The following LIPK variants were observed in gnomAD, a reference collection of about 807,000 sequenced individuals.
LIPK encodes the protein lipase member K.
A neutral mutation model predicts 48.6 loss-of-function variants in LIPK; 32 were observed. The ratio of observed to expected loss-of-function variants is 0.66; its 90% CI spans 0.50 to 0.88. The LOEUF is 0.88. LIPK is among the 40% of genes least tolerant of loss of function. The probability of loss-of-function intolerance (pLI) is 0.00; values close to 1 mark genes in which losing one functional copy is unlikely to be tolerated. For missense variants in LIPK, 507 were observed against 478.5 expected (o/e 1.06, Z -0.56); for synonymous variants, 164 against 157.4 (o/e 1.04, Z -0.32).
chr10:88,724,750 C>A, intron 2 of LIPK, 102 bp downstream of exon 2: 1 of 723,898 alleles, frequency 1.4e-6, no homozygotes, highest in South Asian at 2.0e-5. Flanking sequence ...GCAATTCCTC[C>A]AGTGACTAAG....
chr10:88,711,645 T>C (rs1842029115), intron 1 of LIPK, among the ~76,000 whole-genome samples: 1 of 152,146 alleles, frequency 6.6e-6, no homozygotes, highest in Non-Finnish European at 1.5e-5. Flanking sequence ...TGGTTAATTT[T>C]TGAATTTTTA....
intron 1 of LIPK, among the ~76,000 whole-genome samples, chr10:88,713,580 T>C (rs1218083867): frequency 2.6e-5 from 4 of 152,222 alleles, no homozygotes; most frequent in Non-Finnish European, 4.4e-5. Flanking sequence ...TCTGTATTCA[T>C]CTATTAGATA....
intron 4 of LIPK, among the ~76,000 whole-genome samples, chr10:88,731,905 C>G (rs534025165): frequency 6.6e-6 from 1 of 152,132 alleles, no homozygotes; most frequent in Non-Finnish European, 1.5e-5. Context: ...CTTGGTAAAT[C>G]TGTTATAGAA....
intron 7 of LIPK, among the ~76,000 whole-genome samples, chr10:88,738,285 G>A (rs1482828843): frequency 3.3e-5 from 5 of 152,164 alleles, no homozygotes; most frequent in African/African-American, 1.2e-4. Flanking sequence ...CAGGGTTCTT[G>A]TCAAGTAATT....
chr10:88,739,186 G>A (rs1842632342), intron 7 of LIPK, among the ~76,000 whole-genome samples: 1 of 152,008 alleles, frequency 6.6e-6, no homozygotes, highest in Non-Finnish European at 1.5e-5. Flanking sequence ...AATTAATTCT[G>A]TTACACAAAA....
chr10:88,732,444 C>T lies in LIPK; in HGVS notation c.562C>T (p.Leu188=), dbSNP rs118165018. ...TATAGCATTTTCTACAAACCCAGAA[C>T]TGGCTAAAAAGATTAAGATATTTTT... The part of the protein sequence containing the change: ...AFIAFSTNPE[L]AKKIKIFFAL... Residue 188 remains leucine, a synonymous_variant, in exon 6 of 10, where the codon CTG becomes TTG. Coordinates refer to ENST00000404190, the MANE Select transcript of LIPK (RefSeq NM_001080518.2). 988 of 1,613,462 alleles carry T rather than the reference C, an allele frequency of 6.1e-4. 9 individuals are homozygous for T. The East Asian group carries it at 0.02, about 32-fold the overall frequency.
At chr10:88,729,044 C>T (rs1262588705) in intron 3 of LIPK, 1 of 152,874 alleles carries the variant, frequency 6.5e-6, no homozygotes, top group African/African-American at 2.4e-5. Flanking sequence ...GTTCTCAGCC[C>T]ACCCTACAGG....
Position 88,752,693 on chromosome 10 carries a change from G to A in LIPK, c.1137G>A (p.Glu379=). Residue 379 remains glutamate (E), a synonymous_variant, in exon 10 of 10, where the codon GAG becomes GAA. Coordinates refer to ENST00000404190, the MANE Select transcript of LIPK (RefSeq NM_001080518.2). The stretch of plus-strand genomic sequence containing the variant: ...ATCATGTGGATTTTTACCTTGGAGA[G>A]GATGCACCTCAGGAAATTTACCAAG... ...HYNHVDFYLG[E]DAPQEIYQDL... 6.3e-7 allele frequency: 1 copy of A among 1,575,598 alleles called. No homozygotes were observed. The highest frequency in any genetic ancestry group is 8.6e-7 in the Non-Finnish European group (1 of 1,157,896).
At chr10:88,739,004 C>A (rs1842628498) in intron 7 of LIPK, among the ~76,000 whole-genome samples, 2 of 152,078 alleles carry the variant, frequency 1.3e-5, no homozygotes, top group African/African-American at 4.8e-5. Context: ...ATTTTTAAAG[C>A]CCTAAGATGT....
chr10:88,733,995 T>G (rs1050232079), intron 6 of LIPK, among the ~76,000 whole-genome samples: 2 of 152,208 alleles, frequency 1.3e-5, no homozygotes, highest in African/African-American at 2.4e-5. Flanking sequence ...GACTTTGTTC[T>G]GTTAATGAAG....
At position 88,737,526 on chromosome 10, in the gene LIPK, A is replaced by G; in HGVS notation, c.670-109A>G. ...CCTCATGATTTCACTAAGGACCAAC[A>G]CTGAGCAGATGTCACCTAATACTGT... On this transcript the variant is annotated intron_variant, in intron 6 of 9. Coordinates refer to ENST00000404190, the MANE Select transcript of LIPK (RefSeq NM_001080518.2). 3.6e-6 allele frequency: 4 copies of G among 1,104,838 alleles called. No individual in the cohort carries two copies. In the South Asian group the frequency reaches 4.5e-5, roughly 13 times the overall value. The allele number at this position is 1,104,838 out of a possible 1,614,324, so 68.4% of individuals were successfully genotyped here. A position where few individuals can be genotyped will look rare whatever the true frequency, so the allele number is the denominator to read the frequency against.
rs537414841 is a variant in LIPK at position 88,713,870 on chromosome 10, G to A, written c.-12+7550G>A. Among the ~76,000 whole-genome samples the A allele has an allele frequency of 2.6e-5, 4 of 151,938 alleles. No homozygotes were observed. The South Asian group carries it at 6.2e-4, about 24-fold the overall frequency. Reference sequence around the variant, plus strand: ...GCAGGAGAATCACTTGAACCCAGGAGAGGCTCACTGCAGAGGTTGCAGTGA... The same window carrying A: ...GCAGGAGAATCACTTGAACCCAGGAAAGGCTCACTGCAGAGGTTGCAGTGA... On this transcript the variant is annotated intron_variant, in intron 1 of 9. Coordinates refer to ENST00000404190, the MANE Select transcript of LIPK (RefSeq NM_001080518.2).
chr10:88,717,747 A>G (rs1053702038), intron 1 of LIPK, among the ~76,000 whole-genome samples: 1 of 152,250 alleles, frequency 6.6e-6, no homozygotes, highest in African/African-American at 2.4e-5. Flanking sequence ...GGAAATATAT[A>G]GAAATATATT....
At chr10:88,737,804 G>T (rs1842605047) in intron 7 of LIPK, 23 bp downstream of exon 7, 1 of 1,610,984 alleles carries the variant, frequency 6.2e-7, no homozygotes, top group Non-Finnish European at 8.5e-7. Context: ...AATTGGGTCT[G>T]GGAAAACATT....
intron 1 of LIPK, among the ~76,000 whole-genome samples, chr10:88,711,909 T>C (rs1034441978): frequency 6.6e-6 from 1 of 152,228 alleles, no homozygotes; most frequent in African/African-American, 2.4e-5. Context: ...AACAACTTTG[T>C]ACTTAAGCTT....
intron 1 of LIPK, among the ~76,000 whole-genome samples, chr10:88,722,629 C>T (rs1252634996): frequency 6.6e-6 from 1 of 152,042 alleles, no homozygotes; most frequent in Non-Finnish European, 1.5e-5. Flanking sequence ...GTCTATGGGC[C>T]ATACTTAGAA....
intron 3 of LIPK, chr10:88,728,561 G>A: frequency 2.3e-6 from 1 of 439,164 alleles, no homozygotes; most frequent in South Asian, 1.8e-5. Flanking sequence ...GGACCAAACA[G>A]GAGAGGGCGC....
At chr10:88,728,897 TC>T in intron 3 of LIPK, 1 of 184,116 alleles carries the variant, frequency 5.4e-6, no homozygotes. Context: ...ATCCGAGTCC[TC>T]TGATGTCCTG....
chr10:88,737,055 A>T (rs1842586432), intron 6 of LIPK, among the ~76,000 whole-genome samples: 1 of 152,236 alleles, frequency 6.6e-6, no homozygotes, highest in African/African-American at 2.4e-5. Flanking sequence ...AGATTCATTT[A>T]TGTGGGTTAA....
Sources: allele counts gnomAD v4.1 joint callset (sites outside exome capture counted in the v4.1 genomes callset), GRCh38; gene constraint gnomAD v4.1.1; transcripts MANE v1.5; gene names NCBI Gene and HGNC (gene_info 2026-07-23, HGNC 2026-07-21).